Variants in PMFBP1 observed in about 807,000 individuals in gnomAD.
PMFBP1 encodes polyamine-modulated factor 1-binding protein 1.
A neutral mutation model predicts 137.8 loss-of-function variants in PMFBP1; 131 were observed. That is an observed-to-expected ratio of 0.95 (90% CI 0.82 to 1.10). The LOEUF (loss-of-function observed/expected upper bound fraction) is 1.10, where lower values mean the gene tolerates loss of function less well. Among genes scored for constraint, PMFBP1 ranks in the 50% least tolerant of loss-of-function variants. The pLI is 0.00. For missense variants in PMFBP1, 1,199 were observed against 1,175.4 expected (o/e 1.02, Z -0.29); for synonymous variants, 490 against 450.4 (o/e 1.09, Z -1.11).
At chr16:72,142,991 T>C (rs2042745908) in intron 5 of PMFBP1, among the ~76,000 whole-genome samples, 1 of 152,202 alleles carries the variant, frequency 6.6e-6, no homozygotes, top group Admixed American at 6.5e-5. Flanking sequence ...ATTAAAATTA[T>C]TAATAATATA....
intron 3 of PMFBP1, among the ~76,000 whole-genome samples, chr16:72,156,415 G>A (rs1225563024): frequency 1.3e-5 from 2 of 152,050 alleles, no homozygotes; most frequent in African/African-American, 2.4e-5. Context: ...TCAGGAGATC[G>A]AGACCGTCCT....
At chr16:72,142,501 C>T (rs1267662926) in intron 5 of PMFBP1, among the ~76,000 whole-genome samples, 1 of 152,180 alleles carries the variant, frequency 6.6e-6, no homozygotes, top group Admixed American at 6.5e-5. Flanking sequence ...ATCTCTAATA[C>T]TGTGGTACAA....
At chr16:72,225,709 TATA>T in the PMFBP1 span, among the ~76,000 whole-genome samples, 652 of 109,584 alleles carry the variant, frequency 5.9e-3, 4 homozygotes, top group South Asian at 0.021. Context: ...TGAGACTGTT[TATA>T]ATAATAATAA....
the PMFBP1 span, among the ~76,000 whole-genome samples, chr16:72,192,609 CG>C: frequency 6.6e-6 from 1 of 151,958 alleles, no homozygotes; most frequent in Non-Finnish European, 1.5e-5. Context: ...ACTGCAGGGC[CG>C]GGTGTGGTGG....
At chr16:72,166,474 C>T (rs2043146401) in intron 2 of PMFBP1, among the ~76,000 whole-genome samples, 2 of 152,118 alleles carry the variant, frequency 1.3e-5, no homozygotes, top group Admixed American at 1.3e-4. Flanking sequence ...TTCTTTATGG[C>T]AGTGTGAAAA....
chr16:72,219,432 G>A, the PMFBP1 span, among the ~76,000 whole-genome samples: 3 of 152,182 alleles, frequency 2.0e-5, no homozygotes, highest in South Asian at 2.1e-4. Flanking sequence ...CCAGGAGCGC[G>A]TGGACAGGTA....
At chr16:72,187,617 G>A in the PMFBP1 span, among the ~76,000 whole-genome samples, 10 of 152,298 alleles carry the variant, frequency 6.6e-5, no homozygotes, top group African/African-American at 2.4e-4. Context: ...TCGTGGAAGG[G>A]AAGGGAGAGT....
chr16:72,132,599 A>T, intron 10 of PMFBP1, 149 bp downstream of exon 10: 1 of 1,271,116 alleles, frequency 7.9e-7, no homozygotes, highest in Non-Finnish European at 1.1e-6. Context: ...CACTGCTGTG[A>T]GGTATAGGAT....
chr16:72,143,294 T>C (rs1481299162), intron 5 of PMFBP1, among the ~76,000 whole-genome samples: 2 of 152,234 alleles, frequency 1.3e-5, no homozygotes, highest in African/African-American at 4.8e-5. Context: ...CACTTTGCTC[T>C]AGAGATGCTG....
In PMFBP1 at chr16:72,137,058, A is replaced by G. The variant is rs552249079; in HGVS notation, c.919-239T>C. On this transcript the variant is annotated intron_variant, in intron 7 of 20. Coordinates refer to ENST00000237353, the MANE Select transcript of PMFBP1 (RefSeq NM_031293.3). ...GATTGCCCAACCTTGTGAATATACT[A>G]AAAACCAATGGTGAATTTTATAATT... 2.1e-4 allele frequency among the ~76,000 whole-genome samples: 32 copies of G among 152,306 alleles called. 1 individual carries two copies. Among genetic ancestry groups the G allele is most frequent in the African/African-American group, 7.5e-4 (31 of 41,564 alleles).
chr16:72,127,234 T>C (rs1009764559), intron 14 of PMFBP1, among the ~76,000 whole-genome samples: 1 of 152,224 alleles, frequency 6.6e-6, no homozygotes, highest in Non-Finnish European at 1.5e-5. Context: ...AGATACAATT[T>C]TGAGTACCTC....
chr16:72,164,245 G>C, intron 3 of PMFBP1: 1 of 414,248 alleles, frequency 2.4e-6, no homozygotes, highest in South Asian at 1.9e-5. Flanking sequence ...GCTTCTAGGG[G>C]CATTAACTCT....
chr16:72,125,129 G>C, intron 16 of PMFBP1, 109 bp downstream of exon 16: 1 of 1,451,608 alleles, frequency 6.9e-7, no homozygotes, highest in East Asian at 2.3e-5. Context: ...AAAGTGGAGG[G>C]AACCTAGCAG....
Position 72,125,386 on chromosome 16 carries a change from T to C in PMFBP1, c.2273A>G (p.Glu758Gly). 1 of 1,609,664 alleles carries C rather than the reference T, an allele frequency of 6.2e-7. No individual in the cohort carries two copies. The highest frequency in any genetic ancestry group is 8.5e-7 in the Non-Finnish European group (1 of 1,178,978). The change falls in exon 16 of 21, where the codon GAG becomes GGG. Residue 758 changes from glutamate to glycine, a missense_variant. Glu to Gly is a moderately conservative substitution (Grantham distance 98, BLOSUM62 -2). Coordinates refer to ENST00000237353, the MANE Select transcript of PMFBP1 (RefSeq NM_031293.3). ...CAAGCTTTGCTGCAGGCTCTTTGTC[T>C]CTGAGGTCACGTGATTGAGCTTCCG... is the stretch of plus-strand genomic sequence containing the variant. ...ALEKLNHVTSETKSLQQSLTQ... is the reference protein window; with the variant it reads ...ALEKLNHVTSGTKSLQQSLTQ...
At chr16:72,241,711 G>A in the PMFBP1 span, among the ~76,000 whole-genome samples, 14 of 152,106 alleles carry the variant, frequency 9.2e-5, no homozygotes, top group Non-Finnish European at 1.6e-4. Context: ...AAATAAGGAT[G>A]GCAGACAATT....
In PMFBP1 at chr16:72,132,800, G is replaced by C. The variant is rs187569480; in HGVS notation, c.1395C>G (p.Val465=). ...EAECKALQAE[V]QKLKNSLEEA... ...CTTCGAGACTGTTCTTCAGCTTCTG[G>C]ACCTCAGCCTGCAGGGCCTTGCACT... The change falls in exon 10 of 21, where the codon GTC becomes GTG. Residue 465 remains valine (V), a synonymous_variant. Coordinates refer to ENST00000237353, the MANE Select transcript of PMFBP1 (RefSeq NM_031293.3). 24 of 1,614,168 alleles carry C rather than the reference G, an allele frequency of 1.5e-5. No homozygotes were observed. The East Asian group carries it at 5.1e-4, about 34-fold the overall frequency.
chr16:72,140,815 T>C (rs894001349), intron 5 of PMFBP1, among the ~76,000 whole-genome samples: 7 of 152,120 alleles, frequency 4.6e-5, no homozygotes, highest in African/African-American at 1.7e-4. Flanking sequence ...ATCCTAACTA[T>C]GACTCAGGTG....
rs776203398 is a variant in PMFBP1 at position 72,123,598 on chromosome 16, G to A, written c.2641C>T (p.Arg881Ter). Residue 881 changes from arginine to a stop codon, truncating the protein, a stop_gained, in exon 18 of 21, where the codon CGA (arginine) becomes TGA (stop). Coordinates refer to ENST00000237353, the MANE Select transcript of PMFBP1 (RefSeq NM_031293.3). LOFTEE classifies it high-confidence loss of function. ...SVPKDTCRLY[R>*]GNDQIMTNLE... ...TTGGTCATAATCTGATCATTCCCTC[G>A]GTAGAGCCTACAGGTGTCTTTGGGC... 7.4e-6 allele frequency: 12 copies of A among 1,614,068 alleles called. No homozygotes were observed. Among genetic ancestry groups the A allele is most frequent in the East Asian group, 2.2e-5 (1 of 44,890 alleles).
At position 72,129,229 on chromosome 16, in the gene PMFBP1, C is replaced by G; in HGVS notation, c.1787G>C (p.Arg596Thr). The change falls in exon 13 of 21, where the codon AGG becomes ACG. Residue 596 changes from arginine to threonine, a missense_variant. Physicochemically the swap from Arg to Thr is moderately conservative, Grantham distance 71. Coordinates refer to ENST00000237353, the MANE Select transcript of PMFBP1 (RefSeq NM_031293.3). ...DMLDRIKHQH[R>T]EQGSIKCKLE... ...CTTGCATTTGATGGAGCCTTGCTCC[C>G]TGTGCTGAAAAAATAAAGACTGAGC... 6.2e-7 allele frequency: 1 copy of G among 1,609,794 alleles called. No homozygotes were observed. Among genetic ancestry groups the G allele is most frequent in the Non-Finnish European group, 8.5e-7 (1 of 1,179,620 alleles).
Sources: allele counts gnomAD v4.1 joint callset (sites outside exome capture counted in the v4.1 genomes callset), GRCh38; gene constraint gnomAD v4.1.1; transcripts MANE v1.5; gene names NCBI Gene and HGNC (gene_info 2026-07-23, HGNC 2026-07-21).